The following MAP3K13 variants were observed in gnomAD, a reference collection of about 807,000 sequenced individuals.
MAP3K13 encodes the protein mitogen-activated protein kinase kinase kinase 13, also known as leucine zipper-bearing kinase.
MAP3K13 carries 52 observed loss-of-function variants against 104.0 expected under a neutral mutation model. The observed-to-expected ratio is 0.50, with a 90% CI of 0.40 to 0.63. MAP3K13 has a LOEUF of 0.63. MAP3K13 is among the 20% of genes least tolerant of loss of function. MAP3K13 has a pLI of 0.00. For missense variants in MAP3K13, 914 were observed against 1,218.5 expected, an observed-to-expected ratio of 0.75 and a Z score of 3.72; for synonymous variants, 394 against 442.2, an observed-to-expected ratio of 0.89 and a Z score of 1.37.
At chr3:185,337,490 A>G (rs1722549988) in intron 2 of MAP3K13, among the ~76,000 whole-genome samples, 1 of 152,244 alleles carries the variant, frequency 6.6e-6, no homozygotes, top group Admixed American at 6.5e-5. Context: ...ACTTAGGCAA[A>G]TAAGTGGAGG....
At chr3:185,438,929 A>G (rs1715184245) in intron 3 of MAP3K13, among the ~76,000 whole-genome samples, 1 of 152,200 alleles carries the variant, frequency 6.6e-6, no homozygotes, top group African/African-American at 2.4e-5. Flanking sequence ...GGCTACAGCT[A>G]AAAGTGGAAT....
intron 10 of MAP3K13, among the ~76,000 whole-genome samples, chr3:185,472,155 G>A (rs1717833199): frequency 6.7e-6 from 1 of 150,180 alleles, no homozygotes; most frequent in South Asian, 2.1e-4. Context: ...AATTGATGTG[G>A]TTGGTCTGCT....
chr3:185,332,742 C>A (rs868544492), intron 2 of MAP3K13, among the ~76,000 whole-genome samples: 1 of 152,188 alleles, frequency 6.6e-6, no homozygotes, highest in Non-Finnish European at 1.5e-5. Flanking sequence ...GTAAGGTGAA[C>A]AATATCCCAT....
chr3:185,394,246 T>G (rs1043014974), intron 1 of MAP3K13, among the ~76,000 whole-genome samples: 3 of 152,230 alleles, frequency 2.0e-5, no homozygotes, highest in African/African-American at 7.2e-5. Context: ...AGTAGTCCTC[T>G]GATTCACAGG....
Position 185,418,540 on chromosome 3 carries a change from C to G in MAP3K13, c.-85-9957C>G, listed in dbSNP as rs1211928709. ...GCCAGAGCGGTGAGTCCCACCACCT[C>G]GAACTCTGGGAATTCGAGCCATAGC... On this transcript the variant is annotated intron_variant, in intron 1 of 13. Transcript: ENST00000265026. This position sits in a 1 kb window ranked among gnomAD's most constrained non-coding sequence, Gnocchi z 4.5. 2 of 1,612,152 alleles carry G rather than the reference C, an allele frequency of 1.2e-6. No individual in the cohort carries two copies. Among genetic ancestry groups the G allele is most frequent in the Non-Finnish European group, 1.7e-6 (2 of 1,179,856 alleles).
At chr3:185,287,984 C>CCT in intron 2 of MAP3K13, among the ~76,000 whole-genome samples, 1 of 152,288 alleles carries the variant, frequency 6.6e-6, no homozygotes, top group East Asian at 1.9e-4. Context: ...TTGCTGTGAG[C>CCT]CAAGATCGCG....
intron 5 of MAP3K13, among the ~76,000 whole-genome samples, chr3:185,448,605 C>CTAT (rs890130100): frequency 6.6e-6 from 1 of 152,132 alleles, no homozygotes; most frequent in African/African-American, 2.4e-5. Flanking sequence ...AATACCAGAG[C>CTAT]AAATAGGAAA....
chr3:185,431,657 C>G (rs1217169633), intron 2 of MAP3K13, among the ~76,000 whole-genome samples: 2 of 152,040 alleles, frequency 1.3e-5, no homozygotes, highest in African/African-American at 4.8e-5. Flanking sequence ...ACTCTGGGAC[C>G]CTCCCCTAAA....
intron 7 of MAP3K13, among the ~76,000 whole-genome samples, chr3:185,457,939 A>G (rs1160276444): frequency 6.6e-6 from 1 of 152,200 alleles, no homozygotes; most frequent in East Asian, 1.9e-4. Context: ...ACTCAGTTAC[A>G]CTAAACCTCA....
At chr3:185,417,941 G>A (rs1713881839) in intron 1 of MAP3K13, 6 of 1,605,654 alleles carry the variant, frequency 3.7e-6, no homozygotes, top group Non-Finnish European at 5.1e-6. Flanking sequence ...TTGTGCATGG[G>A]AAGATTGTAG....
At chr3:185,356,111 TG>T (rs1334139916) in intron 2 of MAP3K13, among the ~76,000 whole-genome samples, 1 of 152,216 alleles carries the variant, frequency 6.6e-6, no homozygotes, top group Non-Finnish European at 1.5e-5. Context: ...GAGGAAATAC[TG>T]GGTCTTTAAA....
rs1194288928 is a variant in MAP3K13, at chr3:185,443,478, T to C, written c.693T>C (p.Ile231=). The change falls in exon 4 of 14, where the codon ATT becomes ATC. Residue 231 remains isoleucine (I), a synonymous_variant. Transcript: ENST00000265026. ...GVCTQAPCYC[I]IMEYCAHGQL... ...GTACTCAGGCCCCATGTTATTGTATTATCATGGAATACTGTGCCCATGGAC... is the reference window on the plus strand; with the variant it reads ...GTACTCAGGCCCCATGTTATTGTATCATCATGGAATACTGTGCCCATGGAC... 2 of 1,613,790 alleles carry C rather than the reference T, an allele frequency of 1.2e-6. No individual in the cohort carries two copies. Among genetic ancestry groups the C allele is most frequent in the African/African-American group, 2.7e-5 (2 of 74,930 alleles).
chr3:185,407,661 G>A (rs955206980), intron 1 of MAP3K13, among the ~76,000 whole-genome samples: 3 of 152,012 alleles, frequency 2.0e-5, no homozygotes, highest in Non-Finnish European at 2.9e-5. Context: ...CAATTTCAGC[G>A]GTGGAATTAA....
Position 185,418,992 on chromosome 3 carries a change from C to A in MAP3K13, c.-85-9505C>A, listed in dbSNP as rs1004055937. On this transcript the variant is annotated intron_variant, in intron 1 of 13. Coordinates refer to ENST00000265026, the MANE Select transcript of MAP3K13 (RefSeq NM_004721.5). This position sits in a 1 kb window ranked among gnomAD's most constrained non-coding sequence, Gnocchi z 4.5. ...GCTCATTGTCGTCTTTTTAAGTTCACTTTTATTTTCATTTTGAATTTATAA... is the reference window on the plus strand; with the variant it reads ...GCTCATTGTCGTCTTTTTAAGTTCAATTTTATTTTCATTTTGAATTTATAA... 1.3e-4 allele frequency among the ~76,000 whole-genome samples: 19 copies of A among 151,422 alleles called. No individual in the cohort carries two copies. The highest frequency in any genetic ancestry group is 4.1e-4 in the African/African-American group (17 of 41,326).
At chr3:185,335,640 A>G (rs1442101348) in intron 2 of MAP3K13, among the ~76,000 whole-genome samples, 2 of 152,220 alleles carry the variant, frequency 1.3e-5, no homozygotes, top group East Asian at 1.9e-4. Flanking sequence ...GATTCCTTAT[A>G]TAAAACCTAT....
chr3:185,400,895 GTGTT>G (rs1375753676), intron 1 of MAP3K13, among the ~76,000 whole-genome samples: 36 of 112,250 alleles, frequency 3.2e-4, no homozygotes, highest in Admixed American at 5.3e-4. Flanking sequence ...ATAATTCTGG[GTGTT>G]TGTTTGTTTT....
intron 2 of MAP3K13, among the ~76,000 whole-genome samples, chr3:185,430,928 C>T (rs1427099527): frequency 1.3e-5 from 2 of 152,132 alleles, no homozygotes; most frequent in Non-Finnish European, 2.9e-5. Context: ...AATGGACCCA[C>T]AGTTCAGCAG....
At chr3:185,462,052 C>T (rs1717139020) in intron 7 of MAP3K13, among the ~76,000 whole-genome samples, 1 of 152,150 alleles carries the variant, frequency 6.6e-6, no homozygotes, top group Non-Finnish European at 1.5e-5. Flanking sequence ...TACTTTTTAA[C>T]ATGAATCTAA....
At chr3:185,293,901 T>C (rs1273493106) in intron 2 of MAP3K13, among the ~76,000 whole-genome samples, 4 of 152,236 alleles carry the variant, frequency 2.6e-5, no homozygotes, top group Admixed American at 2.0e-4. Context: ...AGAGAAAGCC[T>C]ATATGCCTTA....
Sources: gnomAD v4.1 joint callset for allele counts (sites outside exome capture counted in the v4.1 genomes callset) on GRCh38, gnomAD v4.1.1 for gene constraint, Gnocchi (gnomAD v3.1) non-coding constraint, MANE v1.5 for transcripts, NCBI Gene and HGNC (gene_info 2026-07-23, HGNC 2026-07-21) for gene names.